CSMD1: variants seen among roughly 807,000 people sequenced by gnomAD.
CSMD1 encodes CUB and sushi domain-containing protein 1.
CSMD1 carries 213 observed loss-of-function variants against 417.5 expected under a neutral mutation model. The ratio of observed to expected loss-of-function variants is 0.51; its 90% CI spans 0.46 to 0.57. The LOEUF is 0.57. Among genes scored for constraint, CSMD1 ranks in the 20% least tolerant of loss-of-function variants. CSMD1 has a pLI of 0.00. For synonymous variants in CSMD1, 2,862 were observed against 1,736.8 expected, an observed-to-expected ratio of 1.65 and a Z score of -16.11; for missense variants, 6,923 against 4,529.7, an observed-to-expected ratio of 1.53 and a Z score of -15.17.
Position 3,972,621 on chromosome 8 carries a change from A to C in CSMD1, c.818+25282T>G, listed in dbSNP as rs576563402. Among the ~76,000 whole-genome samples the C allele has an allele frequency of 2.6e-5, 4 of 152,322 alleles. No individual in the cohort carries two copies. The South Asian group carries it at 8.3e-4, about 32-fold the overall frequency. On this transcript the variant is annotated intron_variant, in intron 5 of 69. Coordinates refer to ENST00000635120, the MANE Select transcript of CSMD1 (RefSeq NM_033225.6). ...TTTATTTTTAATGTACTACTAAGCC[A>C]TTTGCTTAAGTTAGTTTACATGTGA...
intron 49 of CSMD1, among the ~76,000 whole-genome samples, chr8:3,072,302 A>G (rs776770419): frequency 1.7e-4 from 26 of 152,244 alleles, no homozygotes; most frequent in Non-Finnish European, 5.9e-5. Context: ...ACCGAAGAAT[A>G]TATCAAACCA....
chr8:4,262,114 C>T (rs1006492040), intron 3 of CSMD1, among the ~76,000 whole-genome samples: 4 of 152,124 alleles, frequency 2.6e-5, no homozygotes, highest in African/African-American at 7.2e-5. Flanking sequence ...ACTTCTCTTT[C>T]CTATAGAGAA....
chr8:4,015,031 T>C (rs572640657), intron 4 of CSMD1, among the ~76,000 whole-genome samples: 1 of 152,200 alleles, frequency 6.6e-6, no homozygotes, highest in Non-Finnish European at 1.5e-5. Context: ...AATCTAAGAC[T>C]GATTTTTTTG....
intron 2 of CSMD1, among the ~76,000 whole-genome samples, chr8:4,566,375 C>T (rs927016277): frequency 2.6e-5 from 4 of 151,958 alleles, no homozygotes; most frequent in African/African-American, 7.3e-5. Flanking sequence ...TTTAGTTGGC[C>T]GGGCGTGGTG....
At chr8:4,779,060 G>A (rs546203791) in intron 1 of CSMD1, among the ~76,000 whole-genome samples, 14 of 152,306 alleles carry the variant, frequency 9.2e-5, no homozygotes, top group African/African-American at 3.1e-4. Flanking sequence ...ATTGACAGCT[G>A]TACATACAGA....
chr8:3,341,118 G>C (rs1165853383), intron 23 of CSMD1, among the ~76,000 whole-genome samples: 1 of 152,172 alleles, frequency 6.6e-6, no homozygotes, highest in Non-Finnish European at 1.5e-5. Flanking sequence ...ATGCCGGGGA[G>C]CAATAGAGTC....
intron 30 of CSMD1, among the ~76,000 whole-genome samples, chr8:3,207,125 CCATTTTCTTTTTTTTTTTT>C (rs1305113495): frequency 1.3e-5 from 2 of 149,442 alleles, no homozygotes; most frequent in African/African-American, 4.9e-5. Flanking sequence ...CTTGATATGG[CCATTTTCTTTTTTTTTTTT>C]CATTTTCTTT....
intron 5 of CSMD1, among the ~76,000 whole-genome samples, chr8:3,914,247 G>C (rs938851646): frequency 3.3e-5 from 5 of 152,134 alleles, no homozygotes; most frequent in South Asian, 4.1e-4. Flanking sequence ...GAGTAGATAA[G>C]AGCTAGTTAG....
chr8:4,809,567 A>G (rs1039500757), intron 1 of CSMD1, among the ~76,000 whole-genome samples: 17 of 152,308 alleles, frequency 1.1e-4, no homozygotes, highest in African/African-American at 3.1e-4. Flanking sequence ...TAGACCCATG[A>G]GCTCTACTCC....
intron 3 of CSMD1, among the ~76,000 whole-genome samples, chr8:4,278,170 C>T (rs932516098): frequency 2.6e-5 from 4 of 152,184 alleles, no homozygotes; most frequent in African/African-American, 9.7e-5. Flanking sequence ...GAATTTCAGA[C>T]TACATTCACA....
intron 68 of CSMD1, among the ~76,000 whole-genome samples, chr8:2,947,223 T>A (rs1056810892): frequency 6.6e-6 from 1 of 152,182 alleles, no homozygotes. Flanking sequence ...TATTGTTGAG[T>A]TTCTTACGCA....
At chr8:4,854,105 G>A (rs796141849) in intron 1 of CSMD1, among the ~76,000 whole-genome samples, 1 of 152,148 alleles carries the variant, frequency 6.6e-6, no homozygotes, top group Non-Finnish European at 1.5e-5. Flanking sequence ...ATGAGACATA[G>A]AACTTTTGAG....
intron 1 of CSMD1, among the ~76,000 whole-genome samples, chr8:4,710,010 T>C (rs1288749531): frequency 6.6e-6 from 1 of 152,128 alleles, no homozygotes; most frequent in African/African-American, 2.4e-5. Context: ...AATAAAAATA[T>C]CACTTGATAG....
At chr8:3,671,088 G>T (rs1286692249) in intron 7 of CSMD1, among the ~76,000 whole-genome samples, 1 of 142,166 alleles carries the variant, frequency 7.0e-6, no homozygotes, top group South Asian at 2.3e-4. Context: ...TACATATAAG[G>T]GATATATATG....
intron 41 of CSMD1, among the ~76,000 whole-genome samples, chr8:3,133,345 G>A (rs1817898548): frequency 1.3e-5 from 2 of 152,180 alleles, no homozygotes; most frequent in South Asian, 2.1e-4. Flanking sequence ...GATGCCGGCT[G>A]ACCTGAGGAT....
At chr8:4,761,170 C>T (rs966104609) in intron 1 of CSMD1, among the ~76,000 whole-genome samples, 8 of 151,948 alleles carry the variant, frequency 5.3e-5, no homozygotes, top group African/African-American at 1.7e-4. Flanking sequence ...ACTATGAAAG[C>T]GAAATCTAAG....
At chr8:4,136,484 G>A (rs1339918362) in intron 3 of CSMD1, among the ~76,000 whole-genome samples, 1 of 152,158 alleles carries the variant, frequency 6.6e-6, no homozygotes, top group African/African-American at 2.4e-5. Context: ...CAAAGAACTG[G>A]ATGCTATTAT....
intron 3 of CSMD1, among the ~76,000 whole-genome samples, chr8:4,367,501 C>T (rs1490045027): frequency 6.6e-6 from 1 of 152,180 alleles, no homozygotes; most frequent in African/African-American, 2.4e-5. Flanking sequence ...GTGATACCTC[C>T]AGCTTTGTTC....
At chr8:4,275,028 G>C (rs980951928) in intron 3 of CSMD1, among the ~76,000 whole-genome samples, 8 of 152,048 alleles carry the variant, frequency 5.3e-5, no homozygotes, top group Admixed American at 2.6e-4. Context: ...TTTTCCATTG[G>C]TATCCCTTAA....
Sources: allele counts gnomAD v4.1 joint callset (sites outside exome capture counted in the v4.1 genomes callset), GRCh38; gene constraint gnomAD v4.1.1; transcripts MANE v1.5; gene names NCBI Gene and HGNC (gene_info 2026-07-23, HGNC 2026-07-21).